EDA: variants seen among roughly 807,000 people sequenced by gnomAD.
EDA encodes the protein ectodysplasin A, also known as ectodysplasin-A.
A neutral mutation model predicts 23.6 loss-of-function variants in EDA; 2 were observed. The observed-to-expected ratio is 0.08, with a 90% CI of 0.03 to 0.27. The LOEUF is 0.27. Among genes scored for constraint, EDA ranks in the 10% least tolerant of loss-of-function variants. The probability of loss-of-function intolerance (pLI) is 1.00; values close to 1 mark genes in which losing one functional copy is unlikely to be tolerated. For missense variants in EDA, 229 were observed against 324.2 expected (o/e 0.71, Z 2.26); for synonymous variants, 131 against 132.0 (o/e 0.99, Z 0.05).
intron 5 of EDA, among the ~76,000 whole-genome samples, chrX:70,030,191 G>A (rs2020178664): frequency 8.9e-6 from 1 of 112,298 alleles, no homozygotes; most frequent in South Asian, 3.7e-4. Flanking sequence ...ATCCCTGTGA[G>A]AGAGGCCAGA....
At chrX:69,785,778 G>A (rs1326319816) in intron 1 of EDA, among the ~76,000 whole-genome samples, 2 of 105,376 alleles carry the variant, frequency 1.9e-5, no homozygotes, top group Non-Finnish European at 4.0e-5. Flanking sequence ...TCTCTGCCCG[G>A]CTTTGGTATC....
intron 1 of EDA, among the ~76,000 whole-genome samples, chrX:69,692,802 T>C (rs970246736): frequency 5.4e-5 from 6 of 112,040 alleles, no homozygotes; most frequent in Admixed American, 3.8e-4. Flanking sequence ...GGTTTTATTA[T>C]TGATGCTTTG....
At chrX:69,622,726 T>C (rs897919574) in intron 1 of EDA, among the ~76,000 whole-genome samples, 1 of 112,102 alleles carries the variant, frequency 8.9e-6, no homozygotes, top group African/African-American at 3.2e-5. Context: ...AGTATTTTCC[T>C]TTATGGATAG....
chrX:69,865,463 A>G (rs1436122848), intron 1 of EDA, among the ~76,000 whole-genome samples: 1 of 111,224 alleles, frequency 9.0e-6, no homozygotes, highest in African/African-American at 3.3e-5. Flanking sequence ...CGAGAGAAAG[A>G]TGTAGACTGG....
chrX:69,928,445 A>G (rs1444504226), intron 1 of EDA, among the ~76,000 whole-genome samples: 2 of 111,737 alleles, frequency 1.8e-5, no homozygotes, highest in Non-Finnish European at 3.8e-5. Flanking sequence ...GTTTATGGAA[A>G]TGCCCATGTT....
intron 1 of EDA, among the ~76,000 whole-genome samples, chrX:69,790,145 G>T (rs1004674758): frequency 2.7e-5 from 3 of 111,109 alleles, no homozygotes; most frequent in Non-Finnish European, 5.7e-5. Flanking sequence ...AATATATAAA[G>T]GAAACCTAGT....
intron 2 of EDA, among the ~76,000 whole-genome samples, chrX:69,968,466 G>A (rs2019204914): frequency 8.9e-6 from 1 of 111,764 alleles, no homozygotes; most frequent in African/African-American, 3.3e-5. Context: ...AGGGCTGAGA[G>A]AAAGCCAAAA....
In EDA at chrX:69,718,996, G is replaced by C. The variant is rs984496721; in HGVS notation, c.396+102292G>C. ...ATTTTGATAGTTACAAGTCTACTCA[G>C]ATTATCTATTTCATCTTGGTTGAGG... is the stretch of plus-strand genomic sequence containing the variant. On this transcript the variant is annotated intron_variant, in intron 1 of 7. Coordinates refer to ENST00000374552, the MANE Select transcript of EDA (RefSeq NM_001399.5). 2.7e-5 allele frequency among the ~76,000 whole-genome samples: 3 copies of C among 111,579 alleles called. No homozygotes were observed. The Admixed American group carries it at 2.9e-4, about 11-fold the overall frequency.
intron 3 of EDA, among the ~76,000 whole-genome samples, chrX:70,023,478 CTTTTTTT>C (rs754981946): frequency 3.0e-5 from 1 of 33,502 alleles, no homozygotes; most frequent in Non-Finnish European, 4.7e-5. Flanking sequence ...TCTTTTTATT[CTTTTTTT>C]TTTTTTTTTT....
intron 1 of EDA, among the ~76,000 whole-genome samples, chrX:69,682,692 C>G (rs951091654): frequency 9.0e-6 from 1 of 111,363 alleles, no homozygotes; most frequent in Non-Finnish European, 1.9e-5. Context: ...GCACACGGTT[C>G]ACGCACCCAC....
chrX:70,012,554 A>G (rs1192644524), intron 2 of EDA, among the ~76,000 whole-genome samples: 1 of 112,716 alleles, frequency 8.9e-6, no homozygotes, highest in African/African-American at 3.2e-5. Context: ...TATACTGCTG[A>G]AATGATGTAC....
chrX:69,888,978 T>TAGATAGATATATATATATATATATA (rs1556026049), intron 1 of EDA, among the ~76,000 whole-genome samples: 12 of 16,013 alleles, frequency 7.5e-4, no homozygotes, highest in East Asian at 6.5e-3. Context: ...TGTGGGGTAG[T>TAGATAGATATATATATATATATATA]TATATATATA....
intron 1 of EDA, among the ~76,000 whole-genome samples, chrX:69,685,224 T>G (rs1321936720): frequency 8.9e-6 from 1 of 112,148 alleles, no homozygotes; most frequent in Non-Finnish European, 1.9e-5. Flanking sequence ...TGGAGAAAAC[T>G]TAAATTTAAT....
intron 1 of EDA, among the ~76,000 whole-genome samples, chrX:69,793,259 C>A (rs2015452276): frequency 8.9e-6 from 1 of 111,918 alleles, no homozygotes; most frequent in Non-Finnish European, 1.9e-5. Flanking sequence ...CAGAAACTCT[C>A]TGATATAAGT....
At chrX:69,933,608 C>T (rs1244638304) in intron 1 of EDA, among the ~76,000 whole-genome samples, 1 of 110,292 alleles carries the variant, frequency 9.1e-6, no homozygotes, top group African/African-American at 3.3e-5. Context: ...ACCCGGGAGG[C>T]AGAGGTTGCA....
At chrX:69,772,295 A>G (rs1368427020) in intron 1 of EDA, among the ~76,000 whole-genome samples, 2 of 111,323 alleles carry the variant, frequency 1.8e-5, no homozygotes, top group African/African-American at 3.3e-5. Context: ...TAATATTATC[A>G]TGATGTTCTT....
intron 1 of EDA, among the ~76,000 whole-genome samples, chrX:69,908,967 T>G (rs1042099220): frequency 9.0e-6 from 1 of 110,534 alleles, no homozygotes; most frequent in African/African-American, 3.3e-5. Context: ...GAGGAAGATT[T>G]AGACAAGATG....
At chrX:69,790,748 A>G (rs2015380682) in intron 1 of EDA, among the ~76,000 whole-genome samples, 1 of 111,386 alleles carries the variant, frequency 9.0e-6, no homozygotes, top group African/African-American at 3.3e-5. Flanking sequence ...GCTCTACACT[A>G]TCATATTTAA....
intron 1 of EDA, among the ~76,000 whole-genome samples, chrX:69,773,817 T>C (rs2014703799): frequency 8.9e-6 from 1 of 111,835 alleles, no homozygotes; most frequent in South Asian, 3.7e-4. Context: ...TTAGATATGA[T>C]TTGCAAATAT....
Sources: gnomAD v4.1 joint callset for allele counts (sites outside exome capture counted in the v4.1 genomes callset) on GRCh38, gnomAD v4.1.1 for gene constraint, MANE v1.5 for transcripts, NCBI Gene and HGNC (gene_info 2026-07-23, HGNC 2026-07-21) for gene names.